Variants in CNTN4 observed in about 807,000 individuals in gnomAD.
The protein encoded by CNTN4 is contactin-4.
A neutral mutation model predicts 122.5 loss-of-function variants in CNTN4; 77 were observed. That is an observed-to-expected ratio of 0.63 (90% CI 0.52 to 0.76). CNTN4 has a LOEUF of 0.76. Among genes scored for constraint, CNTN4 ranks in the 30% least tolerant of loss-of-function variants. The pLI, the probability that CNTN4 is intolerant of heterozygous loss-of-function variation, is 0.00. For synonymous variants in CNTN4, 512 were observed against 447.0 expected, an observed-to-expected ratio of 1.15 and a Z score of -1.83; for missense variants, 1,256 against 1,259.1, an observed-to-expected ratio of 1.00 and a Z score of 0.04.
intron 3 of CNTN4, among the ~76,000 whole-genome samples, chr3:2,453,208 T>G (rs1012616301): frequency 4.6e-5 from 7 of 151,104 alleles, no homozygotes; most frequent in African/African-American, 1.7e-4. Context: ...AAAAAAAAAG[T>G]CAATCAAGTC....
At chr3:2,120,227 A>C (rs559723533) in intron 2 of CNTN4, among the ~76,000 whole-genome samples, 2 of 151,282 alleles carry the variant, frequency 1.3e-5, no homozygotes, top group East Asian at 1.9e-4. Context: ...TGGGAAAATG[A>C]GGATAGTTTA....
chr3:2,906,271 A>G (rs1179573435), intron 12 of CNTN4, among the ~76,000 whole-genome samples: 1 of 152,206 alleles, frequency 6.6e-6, no homozygotes, highest in Non-Finnish European at 1.5e-5. Flanking sequence ...CTATTGTATA[A>G]CACGATGATT....
At chr3:2,283,385 G>A (rs1421668493) in intron 2 of CNTN4, among the ~76,000 whole-genome samples, 1 of 152,034 alleles carries the variant, frequency 6.6e-6, no homozygotes, top group African/African-American at 2.4e-5. Context: ...ATGTATTCCA[G>A]TTTCCACAAA....
Position 3,009,569 on chromosome 3 carries a change from G to A in CNTN4, c.1487-16533G>A, listed in dbSNP as rs545457035. Among the ~76,000 whole-genome samples, 263 of 139,584 alleles carry A rather than the reference G, an allele frequency of 1.9e-3. 1 individual carries two copies. Among genetic ancestry groups the A allele is most frequent in the Middle Eastern group, 3.7e-3 (1 of 268 alleles). The allele number at this position is 139,584 out of a possible 152,430, so 91.6% of individuals were successfully genotyped here. A position where few individuals can be genotyped will look rare whatever the true frequency, so the allele number is the denominator to read the frequency against. On this transcript the variant is annotated intron_variant, in intron 14 of 24. Transcript: ENST00000418658. ...CTGCCTCAGCTTCCCGAGTAGCTGG[G>A]ACTACAGGCGCCCGCCACCACGCCC...
intron 3 of CNTN4, among the ~76,000 whole-genome samples, chr3:2,411,246 T>C (rs909733279): frequency 1.3e-5 from 2 of 152,128 alleles, no homozygotes; most frequent in African/African-American, 4.8e-5. Flanking sequence ...AGGTGATGGA[T>C]TGATAGGTGC....
intron 2 of CNTN4, among the ~76,000 whole-genome samples, chr3:2,215,370 C>T (rs1282206338): frequency 6.6e-6 from 1 of 152,064 alleles, no homozygotes; most frequent in East Asian, 1.9e-4. Flanking sequence ...GATGTATTTA[C>T]CTGTTCTTGT....
rs1051399910 is a variant in CNTN4, at chr3:2,642,965, G to T, written c.55+71407G>T. Among the ~76,000 whole-genome samples, 2 of 152,110 alleles carry T rather than the reference G, an allele frequency of 1.3e-5. 1 individual carries two copies. The highest frequency in any genetic ancestry group is 1.3e-4 in the Admixed American group (2 of 15,276). ...ACCACAGTGTCCTTTACAGGGCAGT[G>T]GGGATGGTAATAAAATATACCTCAT... On this transcript the variant is annotated intron_variant, in intron 4 of 24. Transcript: ENST00000418658.
chr3:2,191,555 G>A (rs1292612130), intron 2 of CNTN4, among the ~76,000 whole-genome samples: 1 of 151,936 alleles, frequency 6.6e-6, no homozygotes, highest in Non-Finnish European at 1.5e-5. Context: ...TCTCTTCCAT[G>A]ACACCTCTAG....
intron 4 of CNTN4, among the ~76,000 whole-genome samples, chr3:2,714,312 A>T (rs2087344791): frequency 1.3e-5 from 2 of 152,170 alleles, no homozygotes; most frequent in South Asian, 4.1e-4. Context: ...AGGAGCTGGG[A>T]TTTAAATTCA....
intron 4 of CNTN4, among the ~76,000 whole-genome samples, chr3:2,731,644 C>T (rs780568647): frequency 2.0e-5 from 3 of 152,222 alleles, no homozygotes; most frequent in African/African-American, 7.2e-5. Context: ...GCCTTCCCCT[C>T]CTCTAATAAT....
rs999748505 is a variant in CNTN4 at position 2,118,733 on chromosome 3, G to T, written c.-145+18094G>T. On this transcript the variant is annotated intron_variant, in intron 2 of 24. Coordinates refer to ENST00000418658, the MANE Select transcript of CNTN4 (RefSeq NM_175607.3). The stretch of plus-strand genomic sequence containing the variant: ...GCCAGAAATTTAAACAAAAAGAAAA[G>T]AATGATTTGGACTACTGGCAATAAA... Among the ~76,000 whole-genome samples the T allele has an allele frequency of 6.6e-5, 10 of 152,118 alleles. No individual in the cohort carries two copies. In the East Asian group the frequency reaches 1.3e-3, roughly 20 times the overall value.
intron 2 of CNTN4, among the ~76,000 whole-genome samples, chr3:2,238,529 G>A (rs1025079234): frequency 6.6e-6 from 1 of 151,540 alleles, no homozygotes; most frequent in African/African-American, 2.4e-5. Flanking sequence ...TTTGTTATCT[G>A]AATTGCTAAA....
chr3:2,702,823 A>T (rs956999437), intron 4 of CNTN4, among the ~76,000 whole-genome samples: 10 of 152,238 alleles, frequency 6.6e-5, no homozygotes, highest in Admixed American at 2.0e-4. Flanking sequence ...AATTGAGCAC[A>T]TTAGGCTATT....
intron 2 of CNTN4, among the ~76,000 whole-genome samples, chr3:2,242,195 C>T (rs1288816314): frequency 1.3e-5 from 2 of 151,970 alleles, no homozygotes; most frequent in African/African-American, 4.8e-5. Context: ...TTTCTTTGAC[C>T]ATTCTTGCTT....
At chr3:2,599,562 C>G (rs1039859435) in intron 4 of CNTN4, among the ~76,000 whole-genome samples, 3 of 152,156 alleles carry the variant, frequency 2.0e-5, no homozygotes, top group African/African-American at 7.2e-5. Context: ...AGTCAGAAGA[C>G]AGAAGACACT....
At position 2,917,084 on chromosome 3, in the gene CNTN4, G is replaced by A. The variant is rs912559858; in HGVS notation, c.1208-8545G>A. On this transcript the variant is annotated intron_variant, in intron 12 of 24. Transcript: ENST00000418658. Reference sequence around the variant, plus strand: ...GGAGGCCGAGGCTGGCGGATCACTCGCGGTTAGGAGCTGGAGACCAGCCCG... The same window carrying A: ...GGAGGCCGAGGCTGGCGGATCACTCACGGTTAGGAGCTGGAGACCAGCCCG... 1.7e-4 allele frequency among the ~76,000 whole-genome samples: 22 copies of A among 128,116 alleles called. 2 individuals are homozygous for A. The highest frequency in any genetic ancestry group is 6.5e-4 in the Admixed American group (8 of 12,386). The allele number at this position is 128,116 out of a possible 152,430, so 84.0% of individuals were successfully genotyped here.
At chr3:2,616,442 T>G (rs1202794986) in intron 4 of CNTN4, among the ~76,000 whole-genome samples, 1 of 152,208 alleles carries the variant, frequency 6.6e-6, no homozygotes, top group African/African-American at 2.4e-5. Context: ...TAAACATACA[T>G]GTGCATATGT....
At chr3:2,340,965 C>T (rs779669548) in intron 3 of CNTN4, among the ~76,000 whole-genome samples, 8 of 151,880 alleles carry the variant, frequency 5.3e-5, no homozygotes, top group Non-Finnish European at 8.8e-5. Flanking sequence ...TTGGTCTGAG[C>T]GCAGCTCACA....
chr3:2,480,999 T>G (rs1575730016), intron 3 of CNTN4, among the ~76,000 whole-genome samples: 2 of 150,946 alleles, frequency 1.3e-5, no homozygotes, highest in African/African-American at 4.8e-5. Flanking sequence ...AAAAGATAGT[T>G]TTTTTAATTC....
Sources: allele counts gnomAD v4.1 joint callset (sites outside exome capture counted in the v4.1 genomes callset), GRCh38; gene constraint gnomAD v4.1.1; transcripts MANE v1.5; gene names NCBI Gene and HGNC (gene_info 2026-07-23, HGNC 2026-07-21).